PAX8: variants seen among roughly 807,000 people sequenced by gnomAD.
The protein encoded by PAX8 is paired box protein Pax-8.
In PAX8, 15 loss-of-function variants were observed where a neutral mutation model predicts 52.4. The ratio of observed to expected loss-of-function variants is 0.29; its 90% CI spans 0.19 to 0.44. The LOEUF is 0.44. Among genes scored for constraint, PAX8 ranks in the 20% least tolerant of loss-of-function variants. PAX8 has a pLI of 1.00. For synonymous variants in PAX8, 284 were observed against 249.7 expected (o/e 1.14, Z -1.29); for missense variants, 554 against 602.5 (o/e 0.92, Z 0.84).
intron 11 of PAX8, among the ~76,000 whole-genome samples, 159 bp downstream of exon 11, chr2:113,219,933 G>C (rs943478198): frequency 8.5e-5 from 13 of 152,160 alleles, no homozygotes; most frequent in African/African-American, 3.1e-4. Flanking sequence ...CAGGTACACT[G>C]CCCTCCTGCT....
At chr2:113,233,052 C>A (rs1689995208) in intron 9 of PAX8, among the ~76,000 whole-genome samples, 2 of 137,748 alleles carry the variant, frequency 1.5e-5, no homozygotes, top group African/African-American at 5.3e-5. Flanking sequence ...CCCTCCCTTC[C>A]CTTCCCCTCC....
chr2:113,230,290 G>A (rs1231667213), intron 9 of PAX8, among the ~76,000 whole-genome samples: 1 of 152,180 alleles, frequency 6.6e-6, no homozygotes, highest in Admixed American at 6.5e-5. Context: ...CCTTCATCCT[G>A]TTCCTTCTCG....
chr2:113,262,714 GA>G (rs1461502603), intron 2 of PAX8, among the ~76,000 whole-genome samples: 1 of 152,152 alleles, frequency 6.6e-6, no homozygotes, highest in Non-Finnish European at 1.5e-5. Flanking sequence ...TGGATACAGA[GA>G]TAAAGTGAGA....
chr2:113,226,951 C>T, intron 10 of PAX8: 1 of 1,483,536 alleles, frequency 6.7e-7, no homozygotes, highest in Non-Finnish European at 9.0e-7. Context: ...GGAGGCCGAG[C>T]TGGGGCAAGT....
At chr2:113,262,768 A>G (rs1241134604) in intron 2 of PAX8, among the ~76,000 whole-genome samples, 1 of 152,212 alleles carries the variant, frequency 6.6e-6, no homozygotes. Context: ...AAGCCAAGGA[A>G]TGCCAAAGAC....
Position 113,241,609 on chromosome 2 carries a change from A to G in PAX8, c.719T>C (p.Phe240Ser), listed in dbSNP as rs1432025846. 2 of 1,613,722 alleles carry G rather than the reference A, an allele frequency of 1.2e-6. No individual in the cohort carries two copies. Among genetic ancestry groups the G allele is most frequent in the African/African-American group, 1.3e-5 (1 of 75,032 alleles). The change falls in exon 7 of 12, where the codon TTT becomes TCT. Residue 240 changes from phenylalanine to serine, a missense_variant. Coordinates refer to ENST00000429538, the MANE Select transcript of PAX8 (RefSeq NM_003466.4). Reference protein sequence around the residue: ...QHHLEPLECPFERQHYPEAYA... With the variant: ...QHHLEPLECPSERQHYPEAYA... Reference sequence around the variant, plus strand: ...GGCCTCTGGGTAGTGCTGCCGCTCAAATGGGCACTCGAGCGGCTCGAGGTG... The same window carrying G: ...GGCCTCTGGGTAGTGCTGCCGCTCAGATGGGCACTCGAGCGGCTCGAGGTG...
At chr2:113,270,854 CG>C (rs1298272887) in intron 2 of PAX8, 1 of 121,886 alleles carries the variant, frequency 8.2e-6, no homozygotes, top group Non-Finnish European at 1.8e-5. Context: ...CTGAAGATGA[CG>C]AAAAAAAGTT....
At chr2:113,244,933 G>C (rs12998725) in intron 3 of PAX8, among the ~76,000 whole-genome samples, 22,397 of 152,116 alleles carry the variant, frequency 0.15, 1,870 homozygotes, top group Non-Finnish European at 0.19. Flanking sequence ...GGGCACAAAA[G>C]ATTTCCCTTC....
intron 8 of PAX8, chr2:113,235,921 G>A (rs1474737389): frequency 9.0e-6 from 3 of 332,374 alleles, no homozygotes; most frequent in Admixed American, 4.5e-5. Flanking sequence ...CCTAGGACCG[G>A]AGGCGCGACC....
Position 113,218,337 on chromosome 2 carries a change from G to A in PAX8, c.*196C>T, listed in dbSNP as rs1292191711. 1.4e-5 allele frequency: 6 copies of A among 426,406 alleles called. No individual in the cohort carries two copies. Among genetic ancestry groups the A allele is most frequent in the Non-Finnish European group, 2.1e-5 (5 of 241,298 alleles). The allele number at this position is 426,406 out of a possible 1,614,324, so 26.4% of individuals were successfully genotyped here. On this transcript the variant is annotated 3_prime_UTR_variant, in exon 12 of 12. Transcript: ENST00000429538. Reference sequence around the variant, plus strand: ...TCCTGCCCCTCATTAAGGAGTCTTGGAGGACAGTTTGGCCTTGTCCAAGGT... The same window carrying A: ...TCCTGCCCCTCATTAAGGAGTCTTGAAGGACAGTTTGGCCTTGTCCAAGGT...
intron 2 of PAX8, among the ~76,000 whole-genome samples, chr2:113,255,971 T>G (rs1429351520): frequency 4.7e-5 from 7 of 149,154 alleles, no homozygotes; most frequent in Non-Finnish European, 8.9e-5. Flanking sequence ...GCTGCATGCA[T>G]ATGCCTGCCA....
intron 2 of PAX8, among the ~76,000 whole-genome samples, chr2:113,248,980 A>AGGG (rs1553415623): frequency 6.6e-6 from 1 of 152,074 alleles, no homozygotes; most frequent in Non-Finnish European, 1.5e-5. Flanking sequence ...AAAGAAAAAA[A>AGGG]AGGGAGGTGG....
chr2:113,247,323 CTT>C (rs1362333498), intron 2 of PAX8, among the ~76,000 whole-genome samples: 4 of 140,352 alleles, frequency 2.8e-5, no homozygotes, highest in Non-Finnish European at 4.8e-5. Flanking sequence ...CTGAGAGTCT[CTT>C]TTCCTTTTGT....
chr2:113,216,972 CA>C lies in PAX8; in HGVS notation c.*1560del, dbSNP rs754514652. 5 of 231,178 alleles carry C rather than the reference CA, an allele frequency of 2.2e-5. No homozygotes were observed. The highest frequency in any genetic ancestry group is 3.4e-5 in the Non-Finnish European group (4 of 116,682). 14.3% of individuals were successfully genotyped at this position (231,178 alleles called of 1,614,324 possible). A position where few individuals can be genotyped will look rare whatever the true frequency, so the allele number is the denominator to read the frequency against. ...AGCCTTCCATACTGTGCCTGGCACACAAGAGAGCCCAGTCTTCTCTCTCCCT... is the reference window on the plus strand; with the variant it reads ...AGCCTTCCATACTGTGCCTGGCACACAGAGAGCCCAGTCTTCTCTCTCCCT... On this transcript the variant is annotated 3_prime_UTR_variant, in exon 12 of 12. Coordinates refer to ENST00000429538, the MANE Select transcript of PAX8 (RefSeq NM_003466.4).
intron 2 of PAX8, among the ~76,000 whole-genome samples, chr2:113,252,916 A>G (rs1002596783): frequency 1.3e-5 from 2 of 152,220 alleles, no homozygotes; most frequent in Non-Finnish European, 2.9e-5. Context: ...TCCCTTGACC[A>G]TGATACTCTT....
intron 2 of PAX8, among the ~76,000 whole-genome samples, chr2:113,263,997 TA>T (rs1692878709): frequency 6.6e-6 from 1 of 152,200 alleles, no homozygotes; most frequent in Non-Finnish European, 1.5e-5. Context: ...ATTTTACAAA[TA>T]CTTGTGAAGC....
At chr2:113,236,212 A>G (rs13000339) in intron 8 of PAX8, 1,126 of 68,298 alleles carry the variant, frequency 0.016, 10 homozygotes, top group South Asian at 0.056. Context: ...GGCCCACCTT[A>G]CGGGAGCCGC....
intron 2 of PAX8, chr2:113,268,702 G>C (rs1355701339): frequency 6.6e-6 from 1 of 152,500 alleles, no homozygotes; most frequent in Admixed American, 6.5e-5. Flanking sequence ...ATCATGGACA[G>C]CTTCATGGGG....
chr2:113,260,849 C>T (rs554540464), intron 2 of PAX8, among the ~76,000 whole-genome samples: 21 of 150,714 alleles, frequency 1.4e-4, no homozygotes, highest in African/African-American at 3.2e-4. Context: ...AATTAGGGCA[C>T]GTTTAGAGAG....
Sources: gnomAD v4.1 joint callset for allele counts (sites outside exome capture counted in the v4.1 genomes callset) on GRCh38, gnomAD v4.1.1 for gene constraint, MANE v1.5 for transcripts, NCBI Gene and HGNC (gene_info 2026-07-23, HGNC 2026-07-21) for gene names.